ALMS1: variants seen among roughly 807,000 people sequenced by gnomAD.
ALMS1 encodes the protein centrosome-associated protein ALMS1.
Under a neutral mutation model 352.2 loss-of-function variants are expected in ALMS1, and 271 were observed. The ratio of observed to expected loss-of-function variants is 0.77; its 90% CI spans 0.70 to 0.85. ALMS1 has a LOEUF of 0.85. ALMS1 is among the 40% of genes least tolerant of loss of function. The pLI, the probability that ALMS1 is intolerant of heterozygous loss-of-function variation, is 0.00. For missense variants in ALMS1, 5,445 were observed against 4,870.7 expected (o/e 1.12, Z -3.51); for synonymous variants, 1,865 against 1,761.2 (o/e 1.06, Z -1.48).
chr2:73,593,328 G>A (rs1033658275), intron 16 of ALMS1, among the ~76,000 whole-genome samples: 1 of 152,054 alleles, frequency 6.6e-6, no homozygotes, highest in Non-Finnish European at 1.5e-5. Context: ...CTGACAGTTT[G>A]TGCTTGGCCC....
At chr2:73,509,846 C>T (rs530174900) in intron 10 of ALMS1, among the ~76,000 whole-genome samples, 2 of 152,314 alleles carry the variant, frequency 1.3e-5, no homozygotes, top group African/African-American at 2.4e-5. Context: ...TAATATCCTG[C>T]AGAGTGTTTT....
chr2:73,524,496 C>G (rs1673748165), intron 11 of ALMS1, among the ~76,000 whole-genome samples: 1 of 152,052 alleles, frequency 6.6e-6, no homozygotes, highest in Non-Finnish European at 1.5e-5. Flanking sequence ...TGCTCTGTCA[C>G]CCAGGCTGGA....
chr2:73,558,920 A>C (rs1674598128), intron 14 of ALMS1, 52 bp from the exon 15 acceptor site: 2 of 1,587,532 alleles, frequency 1.3e-6, no homozygotes, highest in Non-Finnish European at 1.7e-6. Context: ...ACATTTAAAA[A>C]TCTTTTATGT....
chr2:73,392,015 A>G (rs1670656487), intron 1 of ALMS1, among the ~76,000 whole-genome samples: 1 of 151,990 alleles, frequency 6.6e-6, no homozygotes, highest in African/African-American at 2.4e-5. Flanking sequence ...GGAGTGCTAC[A>G]CAGTATTCTT....
Position 73,573,243 on chromosome 2 carries a change from G to T in ALMS1, c.11366G>T (p.Arg3789Leu). 1 of 1,613,668 alleles carries T rather than the reference G, an allele frequency of 6.2e-7. No homozygotes were observed. The highest frequency in any genetic ancestry group is 8.5e-7 in the Non-Finnish European group (1 of 1,179,664). The change falls in exon 16 of 23, where the codon CGG (arginine) becomes CTG (leucine). Residue 3789 changes from arginine (R) to leucine (L), a missense_variant. By Grantham distance (102) the Arg-to-Leu change is moderately radical. Coordinates refer to ENST00000613296, the MANE Select transcript of ALMS1 (RefSeq NM_001378454.1). ...TCTGTTTCCACTATTGACACTGCCCGGCTGATTCAAGCTTTTGGCCATGAA... is the reference window on the plus strand; with the variant it reads ...TCTGTTTCCACTATTGACACTGCCCTGCTGATTCAAGCTTTTGGCCATGAA... ...SSSVSTIDTARLIQAFGHERV... is the reference protein window; with the variant it reads ...SSSVSTIDTALLIQAFGHERV...
In ALMS1 at chr2:73,408,534, G is replaced by A. The variant is rs1419627669; in HGVS notation, c.325-88G>A. On this transcript the variant is annotated intron_variant, in intron 1 of 22. Coordinates refer to ENST00000613296, the MANE Select transcript of ALMS1 (RefSeq NM_001378454.1). Reference sequence around the variant, plus strand: ...TATGTGAAAGGGCTTTATAAACTGGGAAGTATGGTCTAAATATTAGTTTAT... The same window carrying A: ...TATGTGAAAGGGCTTTATAAACTGGAAAGTATGGTCTAAATATTAGTTTAT... 2.1e-6 allele frequency: 3 copies of A among 1,417,326 alleles called. No individual in the cohort carries two copies. The African/African-American group carries it at 4.3e-5, about 20-fold the overall frequency. The allele number at this position is 1,417,326 out of a possible 1,614,324, so 87.8% of individuals were successfully genotyped here.
In ALMS1 at chr2:73,449,449, A is replaced by G. The variant is rs199769789; in HGVS notation, c.2922A>G (p.Leu974=). The change falls in exon 8 of 23, where the codon CTA becomes CTG. Residue 974 remains leucine, a synonymous_variant. Coordinates refer to ENST00000613296, the MANE Select transcript of ALMS1 (RefSeq NM_001378454.1). ...FYQQELPDSD[L]PRESLKMSAI... ...AGCAAGAGTTGCCAGACAGTGATCT[A>G]CCTAGAGAATCTCTGAAAATGTCTG... is the stretch of plus-strand genomic sequence containing the variant. The G allele has an allele frequency of 1.2e-6, 2 of 1,614,054 alleles. No individual in the cohort carries two copies. Among genetic ancestry groups the G allele is most frequent in the South Asian group, 2.2e-5 (2 of 91,078 alleles).
At chr2:73,437,107 T>C (rs112667054) in intron 7 of ALMS1, among the ~76,000 whole-genome samples, 60 of 152,152 alleles carry the variant, frequency 3.9e-4, no homozygotes, top group Middle Eastern at 6.8e-3. Flanking sequence ...AAGATCTCCA[T>C]TGTTTTTGTC....
chr2:73,485,577 C>T (rs1004677246), intron 9 of ALMS1, among the ~76,000 whole-genome samples: 1 of 152,216 alleles, frequency 6.6e-6, no homozygotes, highest in African/African-American at 2.4e-5. Context: ...GCAGGCAGGC[C>T]TCCTTGAGCT....
At chr2:73,549,382 GA>G (rs1324781550) in intron 12 of ALMS1, among the ~76,000 whole-genome samples, 2 of 151,864 alleles carry the variant, frequency 1.3e-5, no homozygotes, top group African/African-American at 2.4e-5. Flanking sequence ...TTATTTTGTT[GA>G]AAAATCTTCC....
At chr2:73,594,179 A>C (rs1467614777) in intron 16 of ALMS1, among the ~76,000 whole-genome samples, 1 of 152,178 alleles carries the variant, frequency 6.6e-6, no homozygotes, top group African/African-American at 2.4e-5. Flanking sequence ...ACCATTTTAC[A>C]TTCCCACCAG....
chr2:73,495,467 C>A (rs1673084573), intron 10 of ALMS1, among the ~76,000 whole-genome samples: 1 of 152,096 alleles, frequency 6.6e-6, no homozygotes, highest in Non-Finnish European at 1.5e-5. Context: ...AACTCCTGAC[C>A]TCAGGTGATC....
intron 2 of ALMS1, among the ~76,000 whole-genome samples, chr2:73,409,288 A>AT (rs980151739): frequency 6.6e-6 from 1 of 151,956 alleles, no homozygotes; most frequent in Non-Finnish European, 1.5e-5. Context: ...TAGTTTAAAA[A>AT]TTTTTTATAG....
chr2:73,464,218 C>T (rs1672273918), intron 9 of ALMS1, among the ~76,000 whole-genome samples: 1 of 152,166 alleles, frequency 6.6e-6, no homozygotes, highest in African/African-American at 2.4e-5. Flanking sequence ...CAAACTGAAT[C>T]CAGCAGCACA....
chr2:73,506,617 G>T (rs1027506481), intron 10 of ALMS1, among the ~76,000 whole-genome samples: 1 of 152,142 alleles, frequency 6.6e-6, no homozygotes, highest in Non-Finnish European at 1.5e-5. Flanking sequence ...TGTGATTTTT[G>T]CACATTGATT....
chr2:73,586,080 A>G (rs891890730), intron 16 of ALMS1, among the ~76,000 whole-genome samples: 7 of 152,018 alleles, frequency 4.6e-5, no homozygotes, highest in Non-Finnish European at 2.9e-5. Context: ...TCTTCTTTTG[A>G]GAATTGTCTA....
chr2:73,554,924 G>T (rs940381391), intron 13 of ALMS1, among the ~76,000 whole-genome samples: 6 of 152,132 alleles, frequency 3.9e-5, no homozygotes, highest in African/African-American at 1.4e-4. Context: ...AAAAGGGTCT[G>T]TAAGATAAAC....
At chr2:73,573,829 A>C (rs1002214070) in intron 16 of ALMS1, among the ~76,000 whole-genome samples, 1 of 142,148 alleles carries the variant, frequency 7.0e-6, no homozygotes, top group East Asian at 2.2e-4. Flanking sequence ...ACACACACAG[A>C]CAAACACATA....
Position 73,572,957 on chromosome 2 carries a change from A to G in ALMS1, c.11080A>G (p.Lys3694Glu), listed in dbSNP as rs756071799. 6.2e-7 allele frequency: 1 copy of G among 1,614,192 alleles called. No homozygotes were observed. The highest frequency in any genetic ancestry group is 1.1e-5 in the South Asian group (1 of 91,084). Residue 3694 changes from lysine to glutamate, a missense_variant, in exon 16 of 23, where the codon AAA (lysine) becomes GAA (glutamate). Transcript: ENST00000613296. ...CCATAAAAATACAGGCGAGCTTAAA[A>G]AAAGCAAGGTGCTTTCTCATCATCG... ...KSHKNTGELK[K>E]SKVLSHHRAG...
Sources: allele counts gnomAD v4.1 joint callset (sites outside exome capture counted in the v4.1 genomes callset), GRCh38; gene constraint gnomAD v4.1.1; transcripts MANE v1.5; gene names NCBI Gene and HGNC (gene_info 2026-07-23, HGNC 2026-07-21).